The following NRG3 variants were observed in gnomAD, a reference collection of about 807,000 sequenced individuals.
NRG3 encodes the protein pro-neuregulin-3, membrane-bound isoform.
In NRG3, 31 loss-of-function variants were observed where a neutral mutation model predicts 66.9. The ratio of observed to expected loss-of-function variants is 0.46; its 90% CI spans 0.35 to 0.63. NRG3 has a LOEUF of 0.63. Ranked by LOEUF, NRG3 falls within the 20% of genes least tolerant of loss-of-function variation. The pLI is 0.00. For missense variants in NRG3, 910 were observed against 878.9 expected (o/e 1.04, Z -0.45); for synonymous variants, 393 against 359.4 (o/e 1.09, Z -1.06).
intron 5 of NRG3, among the ~76,000 whole-genome samples, chr10:82,953,377 C>G (rs1394145010): frequency 6.6e-6 from 1 of 151,984 alleles, no homozygotes; most frequent in African/African-American, 2.4e-5. Context: ...ATCACATGCT[C>G]TAAACCTCTA....
intron 2 of NRG3, among the ~76,000 whole-genome samples, chr10:82,615,381 G>T (rs933993126): frequency 6.6e-6 from 1 of 152,038 alleles, no homozygotes; most frequent in African/African-American, 2.4e-5. Flanking sequence ...TTGAATTATT[G>T]TATCTATTTT....
intron 6 of NRG3, among the ~76,000 whole-genome samples, chr10:82,968,369 C>A (rs1346860394): frequency 1.3e-5 from 2 of 151,980 alleles, no homozygotes; most frequent in Admixed American, 1.3e-4. Context: ...AAAAAAAGTT[C>A]TAAAATAATA....
chr10:82,100,157 G>T (rs2066638716), intron 1 of NRG3, among the ~76,000 whole-genome samples: 1 of 151,746 alleles, frequency 6.6e-6, no homozygotes. Context: ...AATTTTAATG[G>T]AATAGTAAAT....
At chr10:82,218,751 C>A (rs183031632) in intron 1 of NRG3, among the ~76,000 whole-genome samples, 1 of 152,120 alleles carries the variant, frequency 6.6e-6, no homozygotes, top group African/African-American at 2.4e-5. Context: ...TAATTACCAC[C>A]TCCCATGATC....
chr10:82,662,451 A>T (rs556492685), intron 2 of NRG3, among the ~76,000 whole-genome samples: 1 of 149,932 alleles, frequency 6.7e-6, no homozygotes, highest in African/African-American at 2.6e-5. Context: ...CCTCTAAAAG[A>T]TGCTTAGACA....
At chr10:82,562,286 G>A (rs532817426) in intron 2 of NRG3, among the ~76,000 whole-genome samples, 40 of 152,206 alleles carry the variant, frequency 2.6e-4, no homozygotes, top group Non-Finnish European at 5.9e-5. Context: ...TTTTAGTGAA[G>A]CATATAGATT....
At chr10:82,800,364 T>C (rs1008877405) in intron 3 of NRG3, among the ~76,000 whole-genome samples, 2 of 152,300 alleles carry the variant, frequency 1.3e-5, no homozygotes, top group Non-Finnish European at 2.9e-5. Context: ...AGGGTGATTA[T>C]TATAACAATT....
At chr10:82,168,216 A>C (rs1391419616) in intron 1 of NRG3, among the ~76,000 whole-genome samples, 2 of 152,112 alleles carry the variant, frequency 1.3e-5, no homozygotes, top group African/African-American at 2.4e-5. Context: ...CGTTCCCCTA[A>C]ATGTTTGTCA....
intron 1 of NRG3, among the ~76,000 whole-genome samples, chr10:82,137,049 G>T (rs1178890120): frequency 6.6e-6 from 1 of 152,126 alleles, no homozygotes; most frequent in Non-Finnish European, 1.5e-5. Context: ...TGTTTTTTCT[G>T]GAGGTGCTTT....
intron 1 of NRG3, among the ~76,000 whole-genome samples, chr10:81,882,793 T>A (rs539633495): frequency 6.6e-6 from 1 of 152,224 alleles, no homozygotes; most frequent in East Asian, 1.9e-4. Context: ...TGCCCTTGGG[T>A]TTTTCTTATA....
intron 2 of NRG3, among the ~76,000 whole-genome samples, chr10:82,715,392 T>C (rs2056914089): frequency 6.6e-6 from 1 of 152,150 alleles, no homozygotes; most frequent in African/African-American, 2.4e-5. Flanking sequence ...GTCTTGGATG[T>C]GAATCTCAAC....
intron 3 of NRG3, among the ~76,000 whole-genome samples, chr10:82,759,036 G>T (rs558167785): frequency 3.3e-5 from 5 of 152,082 alleles, no homozygotes; most frequent in African/African-American, 4.8e-5. Flanking sequence ...ATGGGGCAGT[G>T]TTGGGAGGTA....
chr10:81,989,307 C>G (rs1474436123), intron 1 of NRG3, among the ~76,000 whole-genome samples: 1 of 151,264 alleles, frequency 6.6e-6, no homozygotes, highest in Admixed American at 6.6e-5. Flanking sequence ...AGTTATCAGT[C>G]TATAGATAGT....
intron 1 of NRG3, among the ~76,000 whole-genome samples, chr10:82,203,510 A>G (rs1278113578): frequency 6.6e-6 from 1 of 152,162 alleles, no homozygotes; most frequent in Admixed American, 6.6e-5. Context: ...TCTCAGTAGC[A>G]TTGCTTTTTC....
chr10:82,367,780 C>G (rs1373549622), intron 2 of NRG3, among the ~76,000 whole-genome samples: 2 of 152,024 alleles, frequency 1.3e-5, no homozygotes, highest in African/African-American at 4.8e-5. Flanking sequence ...GATCACATGA[C>G]CTTGGGAGTT....
chr10:82,978,616 C>G (rs1315367520), intron 7 of NRG3, among the ~76,000 whole-genome samples: 1 of 152,136 alleles, frequency 6.6e-6, no homozygotes, highest in Non-Finnish European at 1.5e-5. Flanking sequence ...CTTGGATAAT[C>G]AGGATGGATG....
intron 3 of NRG3, among the ~76,000 whole-genome samples, chr10:82,823,376 A>G (rs748567283): frequency 6.6e-6 from 1 of 152,202 alleles, no homozygotes; most frequent in East Asian, 1.9e-4. Flanking sequence ...GAACCAGGAT[A>G]TGGGATTCTG....
chr10:82,636,997 A>C (rs909703711), intron 2 of NRG3, among the ~76,000 whole-genome samples: 1 of 152,140 alleles, frequency 6.6e-6, no homozygotes, highest in Admixed American at 6.6e-5. Flanking sequence ...AAAGTACAAC[A>C]TGAAGACTAT....
At chr10:82,285,128 T>C (rs530397698) in intron 1 of NRG3, among the ~76,000 whole-genome samples, 1 of 152,252 alleles carries the variant, frequency 6.6e-6, no homozygotes, top group African/African-American at 2.4e-5. Flanking sequence ...GAATAGCAAA[T>C]GTTTAGCCCC....
Sources: allele counts gnomAD v4.1 joint callset (sites outside exome capture counted in the v4.1 genomes callset), GRCh38; gene constraint gnomAD v4.1.1; transcripts MANE v1.5; gene names NCBI Gene and HGNC (gene_info 2026-07-23, HGNC 2026-07-21).